GRIN1: variants seen among roughly 807,000 people sequenced by gnomAD.
GRIN1 encodes the protein glutamate ionotropic receptor NMDA type subunit 1.
A neutral mutation model predicts 103.0 loss-of-function variants in GRIN1; 38 were observed. That is an observed-to-expected ratio of 0.37 (90% CI 0.28 to 0.48). The LOEUF is 0.48. Ranked by LOEUF, GRIN1 falls within the 20% of genes least tolerant of loss-of-function variation. The pLI, the probability that GRIN1 is intolerant of heterozygous loss-of-function variation, is 0.98. For missense variants in GRIN1, 577 were observed against 1,288.9 expected (o/e 0.45, Z 8.46); for synonymous variants, 544 against 532.7 (o/e 1.02, Z -0.29).
At chr9:137,151,892 G>T (rs1211246788) in intron 4 of GRIN1, among the ~76,000 whole-genome samples, 1 of 129,312 alleles carries the variant, frequency 7.7e-6, no homozygotes, top group Non-Finnish European at 1.6e-5. Context: ...TCTCGAACTT[G>T]TGGCCTCTTT....
chr9:137,167,050 C>T (rs1048728844), intron 19 of GRIN1, among the ~76,000 whole-genome samples: 9 of 152,178 alleles, frequency 5.9e-5, no homozygotes, highest in Admixed American at 4.6e-4. Flanking sequence ...ATGTTCCCAG[C>T]GGAACCCTCA....
Position 137,168,252 on chromosome 9 carries a change from G to T in GRIN1, c.*725G>T, listed in dbSNP as rs927939951. 11 of 281,430 alleles carry T rather than the reference G, an allele frequency of 3.9e-5. No homozygotes were observed. The East Asian group carries it at 6.4e-4, about 16-fold the overall frequency. 17.4% of individuals were successfully genotyped at this position (281,430 alleles called of 1,614,324 possible). On this transcript the variant is annotated 3_prime_UTR_variant, in exon 20 of 20. Coordinates refer to ENST00000371561, the MANE Select transcript of GRIN1 (RefSeq NM_007327.4). Reference sequence around the variant, plus strand: ...GGGTCGCCCCTCCTCGGGCGCCTGCGCTCCTCTGCAGCCTGAGCTCCACCC... The same window carrying T: ...GGGTCGCCCCTCCTCGGGCGCCTGCTCTCCTCTGCAGCCTGAGCTCCACCC...
chr9:137,141,618 C>T (rs1423604799), intron 1 of GRIN1, among the ~76,000 whole-genome samples: 1 of 152,208 alleles, frequency 6.6e-6, no homozygotes, highest in African/African-American at 2.4e-5. Flanking sequence ...GGGCTGGCCC[C>T]ACCCCTGGCC....
At chr9:137,156,817 C>T in intron 5 of GRIN1, 27 bp downstream of exon 5, 1 of 1,602,432 alleles carries the variant, frequency 6.2e-7, no homozygotes, top group South Asian at 1.1e-5. Flanking sequence ...GGCGGGGTCC[C>T]CGAACGGGGA....
Position 137,142,268 on chromosome 9 carries a change from C to T in GRIN1, c.393+121C>T, listed in dbSNP as rs548737721. 3.7e-5 allele frequency: 35 copies of T among 958,310 alleles called. No homozygotes were observed. The African/African-American group carries it at 5.3e-4, about 14-fold the overall frequency. The allele number at this position is 958,310 out of a possible 1,614,324, so 59.4% of individuals were successfully genotyped here. A position where few individuals can be genotyped will look rare whatever the true frequency, so the allele number is the denominator to read the frequency against. On this transcript the variant is annotated intron_variant, in intron 2 of 19. Coordinates refer to ENST00000371561, the MANE Select transcript of GRIN1 (RefSeq NM_007327.4). ...TCACACACCACAAACAGCCACACAG[C>T]TCCCCCACATTCATGCACGTCCACA... is the stretch of plus-strand genomic sequence containing the variant.
chr9:137,145,510 G>C (rs1220847106), intron 2 of GRIN1, among the ~76,000 whole-genome samples: 1 of 109,402 alleles, frequency 9.1e-6, no homozygotes, highest in African/African-American at 3.6e-5. Context: ...AGACACGAGG[G>C]GGTCCCAGGG....
chr9:137,147,763 G>A lies in GRIN1; in HGVS notation c.571-1246G>A, dbSNP rs527437558. 3.3e-5 allele frequency among the ~76,000 whole-genome samples: 5 copies of A among 152,382 alleles called. No individual in the cohort carries two copies. The East Asian group carries it at 9.6e-4, about 29-fold the overall frequency. On this transcript the variant is annotated intron_variant, in intron 3 of 19. Coordinates refer to ENST00000371561, the MANE Select transcript of GRIN1 (RefSeq NM_007327.4). ...AGGGACATGGGGACAGGCCCCGGGG[G>A]GGCTGCTCACCTCCCACTCAGGACT...
chr9:137,139,463 G>C lies in GRIN1; in HGVS notation c.-24G>C. Reference sequence around the variant, plus strand: ...GAGGGCCCCGCGTTCGCGCCGCGCAGAGCCAGGCCCGCGGCCCGAGCCCAT... The same window carrying C: ...GAGGGCCCCGCGTTCGCGCCGCGCACAGCCAGGCCCGCGGCCCGAGCCCAT... On this transcript the variant is annotated 5_prime_UTR_variant, in exon 1 of 20. Coordinates refer to ENST00000371561, the MANE Select transcript of GRIN1 (RefSeq NM_007327.4). The surrounding 1 kb of genome is among the most constrained non-coding windows in gnomAD (Gnocchi z 7.7). 1 of 1,533,888 alleles carries C rather than the reference G, an allele frequency of 6.5e-7. No homozygotes were observed. The highest frequency in any genetic ancestry group is 8.8e-7 in the Non-Finnish European group (1 of 1,140,904).
At position 137,167,755 on chromosome 9, in the gene GRIN1, G is replaced by A. The variant is rs780192905; in HGVS notation, c.*228G>A. The A allele has an allele frequency of 6.2e-7, 1 of 1,611,678 alleles. No individual in the cohort carries two copies. Among genetic ancestry groups the A allele is most frequent in the Non-Finnish European group, 8.5e-7 (1 of 1,179,304 alleles). On this transcript the variant is annotated 3_prime_UTR_variant, in exon 20 of 20. Transcript: ENST00000371561. Reference sequence around the variant, plus strand: ...CGTGGGGCTAACGGGCGCCTTGTCTGTGTATTTCTATTTTGCAGCAGTACC... The same window carrying A: ...CGTGGGGCTAACGGGCGCCTTGTCTATGTATTTCTATTTTGCAGCAGTACC...
chr9:137,163,356 TC>T, intron 16 of GRIN1, 26 bp downstream of exon 16: 3 of 1,611,706 alleles, frequency 1.9e-6, no homozygotes, highest in Non-Finnish European at 2.5e-6. Context: ...CCCGCGTCCC[TC>T]CTCCGCCCCT....
chr9:137,161,345 C>T lies in GRIN1; in HGVS notation c.1396C>T (p.Leu466=). The T allele has an allele frequency of 6.2e-7, 1 of 1,612,748 alleles. No homozygotes were observed. Residue 466 remains leucine (L), a synonymous_variant, in exon 10 of 20, where the codon CTG becomes TTG. Transcript: ENST00000371561. ...CTTTTGCATCGACCTGCTCATCAAG[C>T]TGGCACGGACCATGAACTTCACCTA... The part of the protein sequence containing the change: ...YGFCIDLLIK[L]ARTMNFTYEV...
chr9:137,165,527 T>G (rs757344291), intron 19 of GRIN1: 1 of 567,314 alleles, frequency 1.8e-6, no homozygotes, highest in South Asian at 2.0e-5. Flanking sequence ...TCCGTTAGTC[T>G]GCCCGCCCAC....
Position 137,156,785 on chromosome 9 carries a change from C to T in GRIN1, c.788C>T (p.Pro263Leu), listed in dbSNP as rs758063763. 1 of 1,594,372 alleles carries T rather than the reference C, an allele frequency of 6.3e-7. No individual in the cohort carries two copies. The highest frequency in any genetic ancestry group is 8.5e-7 in the Non-Finnish European group (1 of 1,171,376). ...EISGNALRYA[P>L]DGILGLQLIN... ...TCGGGGAACGCCCTGCGCTACGCCC[C>T]AGACGGTGAGTGCTGGGCCTTGGCG... Residue 263 changes from proline to leucine, a missense_variant, in exon 5 of 20, where the codon CCA becomes CTA. Physicochemically the swap from Pro to Leu is moderately conservative, Grantham distance 98. This residue lies in a region of GRIN1 where 308 missense variants were observed against 553.6 expected (regional missense o/e 0.56). Transcript: ENST00000371561.
intron 2 of GRIN1, 117 bp from the exon 3 acceptor site, chr9:137,145,609 C>T: frequency 3.2e-6 from 2 of 633,666 alleles, no homozygotes; most frequent in East Asian, 3.1e-5. Context: ...GGGGTGGGGA[C>T]AGGGGTGGGA....
chr9:137,159,829 C>T (rs1401932720), intron 8 of GRIN1, among the ~76,000 whole-genome samples: 3 of 152,276 alleles, frequency 2.0e-5, no homozygotes, highest in Admixed American at 6.5e-5. Flanking sequence ...GGCGGGCCTG[C>T]CCCCCTCTCA....
rs1008547379 is a variant in GRIN1 at position 137,162,794 on chromosome 9, G to C, written c.2014-52G>C. On this transcript the variant is annotated intron_variant, in intron 14 of 19. Transcript: ENST00000371561. ...TGCGAGGTGAGCTGGGGTCGGCCTC[G>C]GTTAGGGGCCTGGGGAGCCGCCGCC... The C allele has an allele frequency of 1.3e-5, 21 of 1,605,048 alleles. No individual in the cohort carries two copies. The African/African-American group carries it at 1.5e-4, about 11-fold the overall frequency.
chr9:137,167,863 T>C lies in GRIN1; in HGVS notation c.*336T>C. ...TGTGAGGCCCCCGGAGGCGCCCACC[T>C]GCCCAGTTAGCCCGGCCAAGGACAC... On this transcript the variant is annotated 3_prime_UTR_variant, in exon 20 of 20. Transcript: ENST00000371561. 6.2e-7 allele frequency: 1 copy of C among 1,607,524 alleles called. No individual in the cohort carries two copies. Among genetic ancestry groups the C allele is most frequent in the East Asian group, 2.2e-5 (1 of 44,840 alleles).
rs1183361508 is a variant in GRIN1 at position 137,146,285 on chromosome 9, C to T, written c.570+383C>T. 6.9e-6 allele frequency among the ~76,000 whole-genome samples: 1 copy of T among 144,232 alleles called. No individual in the cohort carries two copies. The highest frequency in any genetic ancestry group is 2.4e-4 in the East Asian group (1 of 4,216). 94.6% of individuals were successfully genotyped at this position (144,232 alleles called of 152,430 possible). A position where few individuals can be genotyped will look rare whatever the true frequency, so the allele number is the denominator to read the frequency against. ...GAGTCCCCAGCAGCCTCCCTCTGGG[C>T]AAGGTCTCCCCTGTACACGACCCCC... On this transcript the variant is annotated intron_variant, in intron 3 of 19. Transcript: ENST00000371561. The surrounding 1 kb of genome is among the most constrained non-coding windows in gnomAD (Gnocchi z 6.7).
intron 4 of GRIN1, among the ~76,000 whole-genome samples, chr9:137,153,560 A>G (rs930539393): frequency 1.3e-5 from 2 of 152,188 alleles, no homozygotes; most frequent in African/African-American, 2.4e-5. Flanking sequence ...CCATGCATAC[A>G]CCATACACAC....
Sources: gnomAD v4.1 joint callset for allele counts (sites outside exome capture counted in the v4.1 genomes callset) on GRCh38, gnomAD v4.1.1 for gene constraint, gnomAD v4.1.1 regional missense constraint, Gnocchi (gnomAD v3.1) non-coding constraint, MANE v1.5 for transcripts, NCBI Gene and HGNC (gene_info 2026-07-23, HGNC 2026-07-21) for gene names.